MCU: variants seen among roughly 807,000 people sequenced by gnomAD.
MCU encodes the protein calcium uniporter protein, mitochondrial.
MCU carries 12 observed loss-of-function variants against 45.2 expected under a neutral mutation model. The ratio of observed to expected loss-of-function variants is 0.27; its 90% CI spans 0.17 to 0.43. The LOEUF is 0.43. Among genes scored for constraint, MCU ranks in the 20% least tolerant of loss-of-function variants. The pLI is 1.00. For missense variants in MCU, 324 were observed against 436.7 expected (o/e 0.74, Z 2.30); for synonymous variants, 160 against 165.1 (o/e 0.97, Z 0.24).
At position 72,697,035 on chromosome 10, in the gene MCU, C is replaced by T. The variant is rs568670681; in HGVS notation, c.150+4734C>T. On this transcript the variant is annotated intron_variant, in intron 1 of 7. Coordinates refer to ENST00000373053, the MANE Select transcript of MCU (RefSeq NM_138357.3). Reference sequence around the variant, plus strand: ...GATTATTACAAGTATATGTTTGAATCAGATTCCACATTTGTTGGTTTATTC... The same window carrying T: ...GATTATTACAAGTATATGTTTGAATTAGATTCCACATTTGTTGGTTTATTC... Among the ~76,000 whole-genome samples, 47 of 152,128 alleles carry T rather than the reference C, an allele frequency of 3.1e-4. 1 individual carries two copies. Among genetic ancestry groups the T allele is most frequent in the Non-Finnish European group, 6.0e-4 (41 of 68,030 alleles).
chr10:72,833,762 G>A (rs566913832), intron 1 of MCU, among the ~76,000 whole-genome samples: 9 of 152,162 alleles, frequency 5.9e-5, no homozygotes, highest in Admixed American at 2.0e-4. Context: ...ATTGCTCTTC[G>A]AGGAAGTAGT....
At chr10:72,800,570 A>G (rs761980490) in intron 1 of MCU, among the ~76,000 whole-genome samples, 5 of 152,198 alleles carry the variant, frequency 3.3e-5, no homozygotes, top group Non-Finnish European at 7.3e-5. Flanking sequence ...ATGAGTCCAT[A>G]TATCTTCCAA....
At chr10:72,715,050 T>C (rs1253319808) in intron 1 of MCU, 28 of 362,034 alleles carry the variant, frequency 7.7e-5, no homozygotes, top group Non-Finnish European at 1.0e-4. Flanking sequence ...GGTACCCACA[T>C]TAGCAGGCTC....
chr10:72,798,108 T>C (rs187438941), intron 1 of MCU, among the ~76,000 whole-genome samples: 1 of 152,150 alleles, frequency 6.6e-6, no homozygotes, highest in Non-Finnish European at 1.5e-5. Context: ...TACTCAATGA[T>C]GTATAAAATT....
chr10:72,817,241 T>C (rs1358577808), intron 1 of MCU, among the ~76,000 whole-genome samples: 1 of 152,178 alleles, frequency 6.6e-6, no homozygotes, highest in East Asian at 1.9e-4. Flanking sequence ...TCCTCAGATA[T>C]GTTTGTTTTT....
At chr10:72,862,585 C>T (rs2132873438) in intron 4 of MCU, among the ~76,000 whole-genome samples, 1 of 152,274 alleles carries the variant, frequency 6.6e-6, no homozygotes, top group East Asian at 1.9e-4. Flanking sequence ...GGTTTGTGCC[C>T]TATGAGATCT....
At chr10:72,768,418 A>G (rs1843758486) in intron 1 of MCU, among the ~76,000 whole-genome samples, 1 of 152,208 alleles carries the variant, frequency 6.6e-6, no homozygotes, top group East Asian at 1.9e-4. Context: ...TTTAATATTC[A>G]TGTTAGAATT....
At chr10:72,733,695 A>T (rs1227574926) in intron 1 of MCU, among the ~76,000 whole-genome samples, 5 of 73,554 alleles carry the variant, frequency 6.8e-5, no homozygotes, top group Non-Finnish European at 8.2e-5. Flanking sequence ...ATATATATAT[A>T]TATATATATT....
intron 1 of MCU, among the ~76,000 whole-genome samples, chr10:72,704,006 AG>A (rs1175235827): frequency 6.6e-6 from 1 of 152,240 alleles, no homozygotes; most frequent in African/African-American, 2.4e-5. Context: ...AAGAAATATT[AG>A]TTGAGACCTA....
intron 1 of MCU, among the ~76,000 whole-genome samples, chr10:72,826,791 TTAAG>T (rs1478767715): frequency 6.6e-6 from 1 of 152,132 alleles, no homozygotes; most frequent in East Asian, 1.9e-4. Context: ...CTAGAAATAA[TTAAG>T]TTTTAAATGG....
chr10:72,830,757 A>G (rs1183762431), intron 1 of MCU, among the ~76,000 whole-genome samples: 1 of 152,182 alleles, frequency 6.6e-6, no homozygotes, highest in Non-Finnish European at 1.5e-5. Context: ...TAATTATATA[A>G]AGGAAGGTTG....
chr10:72,702,297 C>T (rs1044425453), intron 1 of MCU, among the ~76,000 whole-genome samples: 2 of 151,872 alleles, frequency 1.3e-5, no homozygotes, highest in African/African-American at 4.8e-5. Flanking sequence ...AAAATAAGTC[C>T]CATCCAGTAA....
chr10:72,719,794 A>T (rs1460179461), intron 1 of MCU, among the ~76,000 whole-genome samples: 1 of 152,204 alleles, frequency 6.6e-6, no homozygotes, highest in Non-Finnish European at 1.5e-5. Flanking sequence ...CAATTAAATT[A>T]TTATTGGCTA....
chr10:72,881,991 G>A (rs1275017484), intron 6 of MCU, among the ~76,000 whole-genome samples: 1 of 152,220 alleles, frequency 6.6e-6, no homozygotes, highest in Non-Finnish European at 1.5e-5. Flanking sequence ...ACCGGCTGAA[G>A]CCATGGCAGA....
At chr10:72,717,423 T>C (rs1349173989) in intron 1 of MCU, among the ~76,000 whole-genome samples, 2 of 152,010 alleles carry the variant, frequency 1.3e-5, no homozygotes, top group African/African-American at 4.8e-5. Context: ...CACGCCCGCT[T>C]AATTTTTGTA....
At chr10:72,707,317 G>A (rs1389675301) in intron 1 of MCU, among the ~76,000 whole-genome samples, 1 of 150,354 alleles carries the variant, frequency 6.7e-6, no homozygotes, top group Non-Finnish European at 1.5e-5. Flanking sequence ...TCCTGCCTCA[G>A]CCTCCCGAGT....
chr10:72,885,075 A>T (rs1481459834), intron 7 of MCU, among the ~76,000 whole-genome samples: 3 of 152,032 alleles, frequency 2.0e-5, no homozygotes, highest in Non-Finnish European at 4.4e-5. Context: ...TCTTGATGAT[A>T]GGGTTGTGCT....
At chr10:72,800,528 C>T (rs970694826) in intron 1 of MCU, among the ~76,000 whole-genome samples, 14 of 152,136 alleles carry the variant, frequency 9.2e-5, no homozygotes, top group African/African-American at 3.4e-4. Context: ...GCCTGTTGGT[C>T]ATGTATCAAG....
At position 72,812,766 on chromosome 10, in the gene MCU, A is replaced by G. The variant is rs1844564726; in HGVS notation, c.151-21593A>G. Among the ~76,000 whole-genome samples, 3 of 31,354 alleles carry G rather than the reference A, an allele frequency of 9.6e-5. No individual in the cohort carries two copies. The South Asian group carries it at 1.9e-3, about 20-fold the overall frequency. The allele number at this position is 31,354 out of a possible 152,430, so 20.6% of individuals were successfully genotyped here. The stretch of plus-strand genomic sequence containing the variant: ...GTAAAGAGGAAGTAAGCTTTCTTCA[A>G]ACCATTACTGCTTTATGTAATGTTT... On this transcript the variant is annotated intron_variant, in intron 1 of 7. Coordinates refer to ENST00000373053, the MANE Select transcript of MCU (RefSeq NM_138357.3).
Sources: gnomAD v4.1 joint callset for allele counts (sites outside exome capture counted in the v4.1 genomes callset) on GRCh38, gnomAD v4.1.1 for gene constraint, MANE v1.5 for transcripts, NCBI Gene and HGNC (gene_info 2026-07-23, HGNC 2026-07-21) for gene names.